The following TSHZ2 variants were observed in gnomAD, a reference collection of about 807,000 sequenced individuals.
TSHZ2 encodes teashirt homolog 2.
In TSHZ2, 21 loss-of-function variants were observed where a neutral mutation model predicts 74.4. The ratio of observed to expected loss-of-function variants is 0.28; its 90% CI spans 0.20 to 0.41. TSHZ2 has a LOEUF of 0.41. Among genes scored for constraint, TSHZ2 ranks in the 10% least tolerant of loss-of-function variants. The pLI is 1.00. For synonymous variants in TSHZ2, 540 were observed against 515.3 expected, an observed-to-expected ratio of 1.05 and a Z score of -0.65; for missense variants, 1,244 against 1,293.5, an observed-to-expected ratio of 0.96 and a Z score of 0.59.
At chr20:53,106,318 C>T (rs1568761869) in intron 1 of TSHZ2, among the ~76,000 whole-genome samples, 1 of 147,138 alleles carries the variant, frequency 6.8e-6, no homozygotes, top group Non-Finnish European at 1.5e-5. Flanking sequence ...TGAGGTCATA[C>T]TGTATTTGTC....
chr20:53,323,562 G>GTTTT (rs1979361508), intron 2 of TSHZ2, among the ~76,000 whole-genome samples: 4 of 64,134 alleles, frequency 6.2e-5, no homozygotes, highest in African/African-American at 1.5e-4. Context: ...GCCTTGGAGG[G>GTTTT]CTTTTTTTTT....
intron 1 of TSHZ2, among the ~76,000 whole-genome samples, chr20:53,153,689 A>G (rs768270412): frequency 1.6e-4 from 25 of 152,176 alleles, no homozygotes; most frequent in Non-Finnish European, 3.1e-4. Context: ...TATGGTCAAG[A>G]TGCAAATTTC....
intron 2 of TSHZ2, among the ~76,000 whole-genome samples, chr20:53,382,982 C>A (rs1250519390): frequency 6.6e-6 from 1 of 152,176 alleles, no homozygotes; most frequent in Non-Finnish European, 1.5e-5. Flanking sequence ...ACTTTCTCAC[C>A]GGGCACAGTG....
intron 1 of TSHZ2, among the ~76,000 whole-genome samples, chr20:53,238,232 A>C (rs1412349092): frequency 6.6e-6 from 1 of 152,148 alleles, no homozygotes. Flanking sequence ...TGTATTGAGC[A>C]CCATCTATCG....
chr20:53,204,174 TATG>T (rs1224217442), intron 1 of TSHZ2, among the ~76,000 whole-genome samples: 19 of 126,988 alleles, frequency 1.5e-4, no homozygotes, highest in African/African-American at 4.7e-4. Flanking sequence ...TATATCATCA[TATG>T]ATGATATGAT....
chr20:52,975,913 T>TA (rs1276017329), intron 1 of TSHZ2, among the ~76,000 whole-genome samples: 1 of 152,184 alleles, frequency 6.6e-6, no homozygotes, highest in African/African-American at 2.4e-5. Flanking sequence ...TATCACTGCT[T>TA]AAAATTAAAC....
At chr20:52,997,167 C>T (rs542815356) in intron 1 of TSHZ2, among the ~76,000 whole-genome samples, 1 of 152,252 alleles carries the variant, frequency 6.6e-6, no homozygotes, top group African/African-American at 2.4e-5. Flanking sequence ...ATAGTGCAGG[C>T]ATCTCTTTCT....
intron 1 of TSHZ2, among the ~76,000 whole-genome samples, chr20:53,121,062 T>A (rs1293427): frequency 6.6e-6 from 1 of 151,858 alleles, no homozygotes; most frequent in Non-Finnish European, 1.5e-5. Flanking sequence ...TGATAGACTT[T>A]TTTTCCCAGC....
At chr20:53,058,570 A>AC (rs1190697682) in intron 1 of TSHZ2, among the ~76,000 whole-genome samples, 2 of 152,134 alleles carry the variant, frequency 1.3e-5, no homozygotes, top group African/African-American at 2.4e-5. Context: ...CATGAAGCTG[A>AC]CCCCGTTAGT....
chr20:53,305,802 A>AC (rs1484240568), intron 2 of TSHZ2, among the ~76,000 whole-genome samples: 2 of 151,950 alleles, frequency 1.3e-5, no homozygotes, highest in Non-Finnish European at 2.9e-5. Flanking sequence ...ACATGGTGAA[A>AC]CCCCATCTCT....
chr20:53,437,681 G>A (rs1984140573), intron 2 of TSHZ2, among the ~76,000 whole-genome samples: 1 of 152,166 alleles, frequency 6.6e-6, no homozygotes, highest in Non-Finnish European at 1.5e-5. Flanking sequence ...ATGTTGAAAT[G>A]TGATCCCCAA....
chr20:53,354,402 G>C (rs771671119), intron 2 of TSHZ2, among the ~76,000 whole-genome samples: 1 of 152,142 alleles, frequency 6.6e-6, no homozygotes, highest in African/African-American at 2.4e-5. Context: ...ATAGATTAAT[G>C]TCTTGCTATT....
chr20:53,343,368 C>CA (rs1980298984), intron 2 of TSHZ2, among the ~76,000 whole-genome samples: 1 of 152,180 alleles, frequency 6.6e-6, no homozygotes, highest in Non-Finnish European at 1.5e-5. Flanking sequence ...CCGGAACAAA[C>CA]ACGGTAACTG....
rs537567279 is a variant in TSHZ2, at chr20:53,159,246, C to T, written c.41-94253C>T. 2.6e-4 allele frequency among the ~76,000 whole-genome samples: 39 copies of T among 152,300 alleles called. No homozygotes were observed. In the East Asian group the frequency reaches 7.1e-3, roughly 28 times the overall value. ...TTCCAGAGTTAAATGCCAGGCTGAG[C>T]CTGTGTTTTTGTCTTTTCCTCATCC... On this transcript the variant is annotated intron_variant, in intron 1 of 2. Transcript: ENST00000371497.
Position 53,246,040 on chromosome 20 carries a change from C to CTTTTTTTTTTTTTTTTTTTTTTTT in TSHZ2, c.41-7446_41-7445insTTTTTTTTTTTTTTTTTTTTTTTT, listed in dbSNP as rs57243805. On this transcript the variant is annotated intron_variant, in intron 1 of 2. Transcript: ENST00000371497. ...TGTGCTTTTCTTTCTTTCTTTCTTT[C>CTTTTTTTTTTTTTTTTTTTTTTTT]TTTTTTTTTTTTTGTTTGAGACAGA... Among the ~76,000 whole-genome samples, 375 of 130,396 alleles carry CTTTTTTTTTTTTTTTTTTTTTTTT rather than the reference C, an allele frequency of 2.9e-3. 10 individuals are homozygous for CTTTTTTTTTTTTTTTTTTTTTTTT. Among genetic ancestry groups the CTTTTTTTTTTTTTTTTTTTTTTTT allele is most frequent in the African/African-American group, 4.7e-3 (150 of 32,248 alleles). 85.5% of individuals were successfully genotyped at this position (130,396 alleles called of 152,430 possible).
intron 2 of TSHZ2, among the ~76,000 whole-genome samples, chr20:53,258,715 GC>G (rs1213766031): frequency 6.6e-6 from 1 of 152,068 alleles, no homozygotes; most frequent in Non-Finnish European, 1.5e-5. Context: ...AGATAAGATA[GC>G]CATTTTGGCA....
chr20:53,453,973 G>A (rs562344860), intron 2 of TSHZ2, among the ~76,000 whole-genome samples: 23 of 152,234 alleles, frequency 1.5e-4, no homozygotes, highest in African/African-American at 5.5e-4. Flanking sequence ...TATCATGAGA[G>A]CTACAGATTC....
chr20:53,283,089 G>A (rs1270067931), intron 2 of TSHZ2, among the ~76,000 whole-genome samples: 1 of 152,196 alleles, frequency 6.6e-6, no homozygotes, highest in African/African-American at 2.4e-5. Flanking sequence ...CATGGAGTTA[G>A]CGCCCTACCA....
chr20:53,344,737 T>C (rs1280365665), intron 2 of TSHZ2, among the ~76,000 whole-genome samples: 1 of 151,842 alleles, frequency 6.6e-6, no homozygotes, highest in Non-Finnish European at 1.5e-5. Flanking sequence ...TATGTATATA[T>C]TAACCTAATA....
Sources: gnomAD v4.1 joint callset for allele counts (sites outside exome capture counted in the v4.1 genomes callset) on GRCh38, gnomAD v4.1.1 for gene constraint, MANE v1.5 for transcripts, NCBI Gene and HGNC (gene_info 2026-07-23, HGNC 2026-07-21) for gene names.